The following CSMD3 variants were observed in gnomAD, a reference collection of about 807,000 sequenced individuals.
The protein encoded by CSMD3 is CUB and sushi domain-containing protein 3.
Under a neutral mutation model 435.2 loss-of-function variants are expected in CSMD3, and 177 were observed. That is an observed-to-expected ratio of 0.41 (90% CI 0.36 to 0.46). The LOEUF is 0.46. CSMD3 is among the 20% of genes least tolerant of loss of function. The pLI is 0.34. For missense variants in CSMD3, 4,265 were observed against 4,504.6 expected (o/e 0.95, Z 1.52); for synonymous variants, 1,656 against 1,520.5 (o/e 1.09, Z -2.07).
rs555850629 is a variant in CSMD3 at position 112,771,828 on chromosome 8, G to A, written c.1972+28334C>T. ...ATAAACATTGTTCATGAAATGAATA[G>A]GAATAGAAAAAAGTCAATCACATCT... On this transcript the variant is annotated intron_variant, in intron 13 of 70. Transcript: ENST00000297405. Among the ~76,000 whole-genome samples the A allele has an allele frequency of 7.3e-5, 11 of 151,580 alleles. No individual in the cohort carries two copies. The East Asian group carries it at 2.2e-3, about 30-fold the overall frequency.
At chr8:112,601,997 G>A (rs1385762919) in intron 22 of CSMD3, among the ~76,000 whole-genome samples, 3 of 152,120 alleles carry the variant, frequency 2.0e-5, no homozygotes, top group Non-Finnish European at 4.4e-5. Flanking sequence ...CAGGGCAGAG[G>A]AAAAAGAGAA....
At chr8:113,413,882 G>A (rs1233857958) in intron 1 of CSMD3, among the ~76,000 whole-genome samples, 3 of 152,170 alleles carry the variant, frequency 2.0e-5, no homozygotes, top group Admixed American at 6.5e-5. Context: ...GAAAGTGTTC[G>A]AATGTCCTCA....
chr8:112,618,482 G>T (rs6991154), intron 22 of CSMD3, among the ~76,000 whole-genome samples: 243 of 152,128 alleles, frequency 1.6e-3, no homozygotes, highest in African/African-American at 5.3e-3. Flanking sequence ...TTCATTGTAT[G>T]CCTTGGATGC....
intron 4 of CSMD3, among the ~76,000 whole-genome samples, chr8:113,130,938 C>A (rs2091268940): frequency 6.6e-6 from 1 of 152,138 alleles, no homozygotes; most frequent in African/African-American, 2.4e-5. Flanking sequence ...CATATTGCCT[C>A]TGCCCTAGAA....
At chr8:113,169,056 T>C (rs1399888822) in intron 4 of CSMD3, among the ~76,000 whole-genome samples, 1 of 152,162 alleles carries the variant, frequency 6.6e-6, no homozygotes, top group African/African-American at 2.4e-5. Context: ...TCTCCAACTA[T>C]TGTCTTTTAT....
intron 32 of CSMD3, among the ~76,000 whole-genome samples, chr8:112,435,393 T>C (rs1303057404): frequency 6.6e-6 from 1 of 152,056 alleles, no homozygotes; most frequent in South Asian, 2.1e-4. Context: ...CACTTAGAAT[T>C]AAGTAATTTG....
intron 41 of CSMD3, among the ~76,000 whole-genome samples, chr8:112,345,858 T>A (rs540758929): frequency 6.8e-6 from 1 of 147,466 alleles, no homozygotes; most frequent in African/African-American, 2.7e-5. Context: ...AAATAATAAA[T>A]CAGAGTAAAA....
intron 64 of CSMD3, among the ~76,000 whole-genome samples, chr8:112,245,051 T>C (rs1814587279): frequency 6.6e-6 from 1 of 152,016 alleles, no homozygotes; most frequent in South Asian, 2.1e-4. Context: ...CTATTTTCTA[T>C]TGTTAAATAA....
At chr8:112,428,997 C>A (rs1813374291) in intron 32 of CSMD3, among the ~76,000 whole-genome samples, 1 of 151,910 alleles carries the variant, frequency 6.6e-6, no homozygotes, top group Non-Finnish European at 1.5e-5. Context: ...ATTGTTGAAC[C>A]CAGTCAACTA....
intron 32 of CSMD3, among the ~76,000 whole-genome samples, chr8:112,456,692 T>G (rs1586386182): frequency 1.3e-5 from 2 of 152,076 alleles, no homozygotes. Flanking sequence ...CTCTTTTTTA[T>G]AGATGAGATG....
intron 22 of CSMD3, among the ~76,000 whole-genome samples, chr8:112,606,304 C>G (rs1832787464): frequency 6.6e-6 from 1 of 152,142 alleles, no homozygotes; most frequent in African/African-American, 2.4e-5. Flanking sequence ...ATGCAGAACA[C>G]TGCCTAATAG....
intron 10 of CSMD3, among the ~76,000 whole-genome samples, chr8:112,906,804 C>T (rs2130495550): frequency 6.6e-6 from 1 of 151,586 alleles, no homozygotes; most frequent in South Asian, 2.1e-4. Flanking sequence ...ACTGATCAAC[C>T]TTTTTGTTTG....
chr8:112,890,797 A>T (rs1041682763), intron 10 of CSMD3, among the ~76,000 whole-genome samples: 1 of 151,684 alleles, frequency 6.6e-6, no homozygotes, highest in African/African-American at 2.4e-5. Context: ...TTTAATAGGC[A>T]TGGCTTTTTT....
intron 13 of CSMD3, among the ~76,000 whole-genome samples, chr8:112,762,360 T>A (rs1459608269): frequency 1.3e-5 from 2 of 151,968 alleles, no homozygotes; most frequent in African/African-American, 4.8e-5. Context: ...AAGCATGTAT[T>A]ATCAAGCAGC....
intron 1 of CSMD3, among the ~76,000 whole-genome samples, chr8:113,344,251 A>C (rs2094138120): frequency 6.6e-6 from 1 of 152,132 alleles, no homozygotes; most frequent in Non-Finnish European, 1.5e-5. Context: ...TCCATTTATA[A>C]CTGCTTAAAA....
intron 61 of CSMD3, 141 bp from the exon 62 acceptor site, chr8:112,255,568 T>A: frequency 1.3e-6 from 1 of 758,744 alleles, no homozygotes; most frequent in Non-Finnish European, 2.2e-6. Flanking sequence ...ATGAAAAAAT[T>A]TATTTTTTAG....
chr8:112,818,963 G>A (rs1426718319), intron 12 of CSMD3, among the ~76,000 whole-genome samples: 1 of 151,972 alleles, frequency 6.6e-6, no homozygotes, highest in African/African-American at 2.4e-5. Context: ...AAAATTATCA[G>A]TTCAAGAGGG....
intron 1 of CSMD3, among the ~76,000 whole-genome samples, chr8:113,353,086 T>C (rs111321673): frequency 6.6e-6 from 1 of 152,130 alleles, no homozygotes; most frequent in Non-Finnish European, 1.5e-5. Context: ...CCAGTGATGA[T>C]GGAGGAATGA....
At chr8:112,533,839 G>A (rs975903178) in intron 27 of CSMD3, among the ~76,000 whole-genome samples, 2 of 151,984 alleles carry the variant, frequency 1.3e-5, no homozygotes, top group South Asian at 2.1e-4. Context: ...TTAGCACCAG[G>A]AACATTCTCT....
Sources: gnomAD v4.1 joint callset for allele counts (sites outside exome capture counted in the v4.1 genomes callset) on GRCh38, gnomAD v4.1.1 for gene constraint, MANE v1.5 for transcripts, NCBI Gene and HGNC (gene_info 2026-07-23, HGNC 2026-07-21) for gene names.